Variants in AQP1 observed in about 807,000 individuals in gnomAD.
AQP1 encodes the protein aquaporin 1 (Colton blood group).
AQP1 carries 11 observed loss-of-function variants against 19.7 expected under a neutral mutation model. That is an observed-to-expected ratio of 0.56 (90% confidence interval 0.35 to 0.92). AQP1 has a LOEUF of 0.92. Among genes scored for constraint, AQP1 ranks in the 40% least tolerant of loss-of-function variants. The probability of loss-of-function intolerance (pLI) is 0.01; values close to 1 mark genes in which losing one functional copy is unlikely to be tolerated. For synonymous variants in AQP1, 159 were observed against 166.7 expected, an observed-to-expected ratio of 0.95 and a Z score of 0.36; for missense variants, 320 against 369.7, an observed-to-expected ratio of 0.87 and a Z score of 1.10.
chr7:30,924,313 C>A lies in AQP1; in HGVS notation c.*684C>A. 1 of 206,112 alleles carries A rather than the reference C, an allele frequency of 4.9e-6. No individual in the cohort carries two copies. Among genetic ancestry groups the A allele is most frequent in the Non-Finnish European group, 9.7e-6 (1 of 103,294 alleles). The allele number at this position is 206,112 out of a possible 1,614,324, so 12.8% of individuals were successfully genotyped here. A position where few individuals can be genotyped will look rare whatever the true frequency, so the allele number is the denominator to read the frequency against. On this transcript the variant is annotated 3_prime_UTR_variant, in exon 4 of 4. Coordinates refer to ENST00000311813, the MANE Select transcript of AQP1 (RefSeq NM_198098.4). ...CCAGAAGACGTGGTCTAGACCAGGG[C>A]TGCTCTTTCCACTTGCCCTGTGTTC...
At position 30,912,288 on chromosome 7, in the gene AQP1, A is replaced by G. The variant is rs954478803; in HGVS notation, c.379A>G (p.Asn127Asp). The G allele has an allele frequency of 1.2e-6, 2 of 1,600,528 alleles. No homozygotes were observed. Among genetic ancestry groups the G allele is most frequent in the African/African-American group, 2.7e-5 (2 of 74,902 alleles). ...CCTGACTGGGAACTCGCTTGGCCGC[A>G]ATGACGTGAGTGGGGTGTCCCTGGG... ...SSLTGNSLGRNDLADGVNSGQ... is the reference protein window; with the variant it reads ...SSLTGNSLGRDDLADGVNSGQ... Residue 127 changes from asparagine (N) to aspartate (D), a missense_variant, in exon 1 of 4, where the codon AAT (asparagine) becomes GAT (aspartate). Asn to Asp is a conservative substitution (Grantham distance 23). Transcript: ENST00000311813. The surrounding 1 kb of genome is among the most constrained non-coding windows in gnomAD (Gnocchi z 4.3).
Position 30,924,267 on chromosome 7 carries a change from A to G in AQP1, c.*638A>G, listed in dbSNP as rs1425110477. 2.7e-6 allele frequency: 1 copy of G among 367,698 alleles called. No individual in the cohort carries two copies. The highest frequency in any genetic ancestry group is 4.4e-6 in the Non-Finnish European group (1 of 227,044). The allele number at this position is 367,698 out of a possible 1,614,324, so 22.8% of individuals were successfully genotyped here. A position where few individuals can be genotyped will look rare whatever the true frequency, so the allele number is the denominator to read the frequency against. ...AGAGCTCTACAGGCCTGCAGCCCCT[A>G]AGTGCAAACACAGCATGGGTCCAGA... On this transcript the variant is annotated 3_prime_UTR_variant, in exon 4 of 4. Coordinates refer to ENST00000311813, the MANE Select transcript of AQP1 (RefSeq NM_198098.4).
chr7:30,924,215 T>C lies in AQP1; in HGVS notation c.*586T>C. On this transcript the variant is annotated 3_prime_UTR_variant, in exon 4 of 4. Coordinates refer to ENST00000311813, the MANE Select transcript of AQP1 (RefSeq NM_198098.4). ...TCCCTATATCAGGGCCTGAGTGACC[T>C]CCTTCTGCAAAGTGGCAGGGACCGG... is the stretch of plus-strand genomic sequence containing the variant. 1.2e-6 allele frequency: 1 copy of C among 841,672 alleles called. No homozygotes were observed. The highest frequency in any genetic ancestry group is 1.5e-6 in the Non-Finnish European group (1 of 651,896). The allele number at this position is 841,672 out of a possible 1,614,324, so 52.1% of individuals were successfully genotyped here. A position where few individuals can be genotyped will look rare whatever the true frequency, so the allele number is the denominator to read the frequency against.
At chr7:30,919,904 G>A (rs1791455181) in intron 1 of AQP1, among the ~76,000 whole-genome samples, 2 of 152,164 alleles carry the variant, frequency 1.3e-5, no homozygotes, top group Non-Finnish European at 2.9e-5. Context: ...GTGGTAGTGG[G>A]TATTGGAGAG....
intron 1 of AQP1, chr7:30,921,388 G>C: frequency 7.1e-7 from 1 of 1,413,234 alleles, no homozygotes; most frequent in Non-Finnish European, 9.2e-7. Context: ...GAGGCCAGCA[G>C]TGGGGAGGAA....
chr7:30,922,852 C>T lies in AQP1; in HGVS notation c.630+208C>T, dbSNP rs184970061. On this transcript the variant is annotated intron_variant, in intron 3 of 3. Coordinates refer to ENST00000311813, the MANE Select transcript of AQP1 (RefSeq NM_198098.4). Reference sequence around the variant, plus strand: ...CTAGTCTCTGCCCTCCCAGCTCGGCCCTGCCCCATGCTGCCTGGCCTCCAG... The same window carrying T: ...CTAGTCTCTGCCCTCCCAGCTCGGCTCTGCCCCATGCTGCCTGGCCTCCAG... Among the ~76,000 whole-genome samples, 595 of 152,336 alleles carry T rather than the reference C, an allele frequency of 3.9e-3. 5 individuals carry two copies. Among genetic ancestry groups the T allele is most frequent in the South Asian group, 0.016 (76 of 4,822 alleles).
chr7:30,918,453 C>T (rs1463894670), intron 1 of AQP1, among the ~76,000 whole-genome samples: 1 of 152,208 alleles, frequency 6.6e-6, no homozygotes, highest in Non-Finnish European at 1.5e-5. Context: ...ACCAGGAATC[C>T]CCCCATGTCC....
chr7:30,921,747 A>G, intron 1 of AQP1: 1 of 1,550,670 alleles, frequency 6.4e-7, no homozygotes, highest in Non-Finnish European at 8.7e-7. Flanking sequence ...GTACCCCAGA[A>G]TACCCTGGCC....
intron 1 of AQP1, 90 bp from the exon 2 acceptor site, chr7:30,921,976 G>A: frequency 1.9e-6 from 3 of 1,592,156 alleles, no homozygotes; most frequent in Non-Finnish European, 2.6e-6. Flanking sequence ...CTTCATGCCT[G>A]GGCCTGGGAG....
chr7:30,922,370 G>A, intron 2 of AQP1, 140 bp downstream of exon 2: 1 of 1,391,962 alleles, frequency 7.2e-7, no homozygotes, highest in Non-Finnish European at 9.8e-7. Context: ...GCTGGGGGCT[G>A]GGGGCAGGGT....
chr7:30,917,365 G>A (rs949047366), intron 1 of AQP1, among the ~76,000 whole-genome samples: 23 of 152,206 alleles, frequency 1.5e-4, no homozygotes, highest in Non-Finnish European at 1.2e-4. Flanking sequence ...CCCTGCCCTG[G>A]AGTTAGGAAA....
At chr7:30,917,037 ATG>A (rs1791373429) in intron 1 of AQP1, among the ~76,000 whole-genome samples, 1 of 152,106 alleles carries the variant, frequency 6.6e-6, no homozygotes, top group South Asian at 2.1e-4. Flanking sequence ...GACCACCCCG[ATG>A]TGAGGCAGGA....
At position 30,922,613 on chromosome 7, in the gene AQP1, C is replaced by T. The variant is rs546809019; in HGVS notation, c.599C>T (p.Ala200Val). 1.7e-5 allele frequency: 27 copies of T among 1,614,158 alleles called. No individual in the cohort carries two copies. The highest frequency in any genetic ancestry group is 2.7e-5 in the African/African-American group (2 of 75,038). The change falls in exon 3 of 4, where the codon GCG (alanine) becomes GTG (valine). Residue 200 changes from alanine to valine, a missense_variant. Transcript: ENST00000311813. ...AACCCTGCTCGGTCCTTTGGCTCCGCGGTGATCACACACAACTTCAGCAAC... is the reference window on the plus strand; with the variant it reads ...AACCCTGCTCGGTCCTTTGGCTCCGTGGTGATCACACACAACTTCAGCAAC... ...GINPARSFGSAVITHNFSNHW... is the reference protein window; with the variant it reads ...GINPARSFGSVVITHNFSNHW...
Position 30,921,857 on chromosome 7 carries a change from G to A in AQP1, c.385-209G>A, listed in dbSNP as rs779647243. ...TAGGCAGGTATTAGGGGCTGGGCTG[G>A]AGTTTCATTAACACAGGGGGTGGGT... On this transcript the variant is annotated intron_variant, in intron 1 of 3. Coordinates refer to ENST00000311813, the MANE Select transcript of AQP1 (RefSeq NM_198098.4). 64 of 1,541,672 alleles carry A rather than the reference G, an allele frequency of 4.2e-5. No individual in the cohort carries two copies. The African/African-American group carries it at 8.3e-4, about 20-fold the overall frequency.
Position 30,923,829 on chromosome 7 carries a change from C to T in AQP1, c.*200C>T. 1 of 1,527,560 alleles carries T rather than the reference C, an allele frequency of 6.5e-7. No individual in the cohort carries two copies. Among genetic ancestry groups the T allele is most frequent in the Non-Finnish European group, 8.8e-7 (1 of 1,137,602 alleles). The allele number at this position is 1,527,560 out of a possible 1,614,324, so 94.6% of individuals were successfully genotyped here. A position where few individuals can be genotyped will look rare whatever the true frequency, so the allele number is the denominator to read the frequency against. ...CTCTTTCTGTTTCCTGGCCTCAGAGCTTCCTGGGGACCAAGATTTACCAAT... is the reference window on the plus strand; with the variant it reads ...CTCTTTCTGTTTCCTGGCCTCAGAGTTTCCTGGGGACCAAGATTTACCAAT... On this transcript the variant is annotated 3_prime_UTR_variant, in exon 4 of 4. Coordinates refer to ENST00000311813, the MANE Select transcript of AQP1 (RefSeq NM_198098.4). The surrounding 1 kb of genome is among the most constrained non-coding windows in gnomAD (Gnocchi z 4.8).
At position 30,925,272 on chromosome 7, in the gene AQP1, G is replaced by A. The variant is rs957251932; in HGVS notation, c.*1643G>A. 2 of 152,116 alleles carry A rather than the reference G, an allele frequency of 1.3e-5. No individual in the cohort carries two copies. Among genetic ancestry groups the A allele is most frequent in the African/African-American group, 4.8e-5 (2 of 41,406 alleles). 9.4% of individuals were successfully genotyped at this position (152,116 alleles called of 1,614,324 possible). On this transcript the variant is annotated 3_prime_UTR_variant, in exon 4 of 4. Coordinates refer to ENST00000311813, the MANE Select transcript of AQP1 (RefSeq NM_198098.4). The stretch of plus-strand genomic sequence containing the variant: ...CCTAGTAACCAAGGCCCTGTCTCTG[G>A]CTACTCCCTGGACCACGAGGCTGAT...
intron 1 of AQP1, chr7:30,921,741 C>G: frequency 6.4e-7 from 1 of 1,550,866 alleles, no homozygotes; most frequent in African/African-American, 1.4e-5. Context: ...GTCTTGGTAC[C>G]CCAGAATACC....
At chr7:30,913,608 A>AGCC (rs1791227525) in intron 1 of AQP1, among the ~76,000 whole-genome samples, 1 of 152,140 alleles carries the variant, frequency 6.6e-6, no homozygotes, top group Non-Finnish European at 1.5e-5. Context: ...TGCGGCTGGC[A>AGCC]GCCCAGGAGA....
chr7:30,913,636 G>T (rs1396099221), intron 1 of AQP1, among the ~76,000 whole-genome samples: 1 of 152,158 alleles, frequency 6.6e-6, no homozygotes, highest in Non-Finnish European at 1.5e-5. Flanking sequence ...TGAAGGTCTG[G>T]TGCAGAGGGC....
Sources: allele counts gnomAD v4.1 joint callset (sites outside exome capture counted in the v4.1 genomes callset), GRCh38; gene constraint gnomAD v4.1.1; non-coding constraint Gnocchi (gnomAD v3.1); transcripts MANE v1.5; gene names NCBI Gene and HGNC (gene_info 2026-07-23, HGNC 2026-07-21).